Variants in FSIP2 observed in about 807,000 individuals in gnomAD.
FSIP2 encodes the protein fibrous sheath-interacting protein 2.
FSIP2 carries 367 observed loss-of-function variants against 510.5 expected under a neutral mutation model. The observed-to-expected ratio is 0.72, with a 90% confidence interval of 0.66 to 0.78. FSIP2 has a LOEUF of 0.78. FSIP2 is among the 30% of genes least tolerant of loss of function. FSIP2 has a pLI of 0.00. For missense variants in FSIP2, 7,594 were observed against 7,901.7 expected (o/e 0.96, Z 1.48); for synonymous variants, 2,601 against 2,732.2 (o/e 0.95, Z 1.50).
chr2:185,765,554 G>A (rs915195194), intron 13 of FSIP2: 24 of 152,170 alleles, frequency 1.6e-4, no homozygotes, highest in Admixed American at 4.6e-4. Flanking sequence ...TAGCCTTGTA[G>A]TATAGTTTGA....
chr2:185,814,193 C>CTCAATAGCAGAACAAATAACA, intron 18 of FSIP2, 151 bp downstream of exon 18: 1 of 763,916 alleles, frequency 1.3e-6, no homozygotes, highest in Non-Finnish European at 2.0e-6. Flanking sequence ...AAATTATTAC[C>CTCAATAGCAGAACAAATAACA]AGGTACAGCT....
Position 185,807,813 on chromosome 2 carries a change from A to C in FSIP2, c.18507A>C (p.Ser6169=). The C allele has an allele frequency of 6.2e-7, 1 of 1,612,530 alleles. No homozygotes were observed. Among genetic ancestry groups the C allele is most frequent in the East Asian group, 2.2e-5 (1 of 44,776 alleles). ...CTGATGTGCCCCTACCTAAACCTTCACATGCTGATAAGCTGTCTTATAACA... is the reference window on the plus strand; with the variant it reads ...CTGATGTGCCCCTACCTAAACCTTCCCATGCTGATAAGCTGTCTTATAACA... The part of the protein sequence containing the change: ...QTTDVPLPKP[S]HADKLSYNII... The change falls in exon 17 of 23, where the codon TCA becomes TCC. Residue 6169 remains serine, a synonymous_variant. Coordinates refer to ENST00000424728, the MANE Select transcript of FSIP2 (RefSeq NM_173651.4).
chr2:185,793,452 C>T lies in FSIP2; in HGVS notation c.6316C>T (p.Leu2106=), dbSNP rs1202012772. 2 of 1,534,270 alleles carry T rather than the reference C, an allele frequency of 1.3e-6. No individual in the cohort carries two copies. Among genetic ancestry groups the T allele is most frequent in the East Asian group, 4.9e-5 (2 of 40,826 alleles). ...CCTATGTGATATTTATGAAAAAACC[C>T]TGTTTCAGAATAATCTCTCATTTGC... is the stretch of plus-strand genomic sequence containing the variant. ...GILCDIYEKT[L]FQNNLSFATP... Residue 2106 remains leucine, a synonymous_variant, in exon 16 of 23, where the codon CTG becomes TTG. Coordinates refer to ENST00000424728, the MANE Select transcript of FSIP2 (RefSeq NM_173651.4).
At chr2:185,766,868 C>T (rs1039216873) in intron 13 of FSIP2, among the ~76,000 whole-genome samples, 37 of 124,714 alleles carry the variant, frequency 3.0e-4, no homozygotes, top group South Asian at 9.5e-4. Flanking sequence ...CACACGCACA[C>T]GTATGTTTAT....
At chr2:185,761,818 T>C (rs1392735247) in intron 10 of FSIP2, among the ~76,000 whole-genome samples, 154 bp from the exon 11 acceptor site, 2 of 151,268 alleles carry the variant, frequency 1.3e-5, no homozygotes, top group African/African-American at 2.4e-5. Flanking sequence ...TCCTAGGAGG[T>C]TGATGATATG....
In FSIP2 at chr2:185,804,737, T is replaced by A; in HGVS notation, c.15431T>A (p.Phe5144Tyr). The change falls in exon 17 of 23, where the codon TTT (phenylalanine) becomes TAT (tyrosine). Residue 5144 changes from phenylalanine (F) to tyrosine (Y), a missense_variant. By Grantham distance (22) the Phe-to-Tyr change is conservative. Transcript: ENST00000424728. The stretch of plus-strand genomic sequence containing the variant: ...GAAAATGAACTAAAAGAGAAAAAGT[T>A]TCCACCGGATGATGAATTTGTGGAG... ...HTENELKEKK[F>Y]PPDDEFVEAA... 6.5e-7 allele frequency: 1 copy of A among 1,530,320 alleles called. No individual in the cohort carries two copies. The highest frequency in any genetic ancestry group is 2.0e-5 in the Admixed American group (1 of 50,092). 94.8% of individuals were successfully genotyped at this position (1,530,320 alleles called of 1,614,324 possible).
intron 20 of FSIP2, among the ~76,000 whole-genome samples, chr2:185,824,763 T>C (rs1421987689): frequency 6.6e-6 from 1 of 151,786 alleles, no homozygotes; most frequent in Non-Finnish European, 1.5e-5. Flanking sequence ...AAATAGAGTG[T>C]ATTGTAACAG....
Position 185,803,211 on chromosome 2 carries a change from C to T in FSIP2, c.13905C>T (p.Phe4635=). ...TCTCTGGGGTTTTAAGAAAAATATT[C>T]CACAGGGTAGTAGGCATTGTACAAA... The part of the protein sequence containing the change: ...DVISGVLRKI[F]HRVVGIVQTK... Residue 4635 remains phenylalanine, a synonymous_variant, in exon 17 of 23, where the codon TTC becomes TTT. Transcript: ENST00000424728. The T allele has an allele frequency of 6.5e-7, 1 of 1,532,200 alleles. No individual in the cohort carries two copies. The highest frequency in any genetic ancestry group is 8.7e-7 in the Non-Finnish European group (1 of 1,144,570). 94.9% of individuals were successfully genotyped at this position (1,532,200 alleles called of 1,614,324 possible).
In FSIP2 at chr2:185,795,269, T is replaced by G. The variant is rs1243272516; in HGVS notation, c.8133T>G (p.Ile2711Met). ...AAGACAGCAGATCCAAGACTGCCAT[T>G]GGGTTGTCACACATCATGTCAGCTG... ...TLKDSRSKTA[I>M]GLSHIMSAGD... The change falls in exon 16 of 23, where the codon ATT becomes ATG. Residue 2711 changes from isoleucine (I) to methionine (M), a missense_variant. By Grantham distance (10) the Ile-to-Met change is conservative. Coordinates refer to ENST00000424728, the MANE Select transcript of FSIP2 (RefSeq NM_173651.4). 6.5e-7 allele frequency: 1 copy of G among 1,535,128 alleles called. No individual in the cohort carries two copies. The highest frequency in any genetic ancestry group is 8.7e-7 in the Non-Finnish European group (1 of 1,146,294).
Position 185,803,807 on chromosome 2 carries a change from T to C in FSIP2, c.14501T>C (p.Met4834Thr). ...GTGATAAAACTGATAAATGAAATTA[T>C]GTCAATAATTTCAAAACATGAAATA... ...NTVIKLINEI[M>T]SIISKHEICI... Residue 4834 changes from methionine to threonine, a missense_variant, in exon 17 of 23, where the codon ATG becomes ACG. Physicochemically the swap from Met to Thr is moderately conservative, Grantham distance 81. Coordinates refer to ENST00000424728, the MANE Select transcript of FSIP2 (RefSeq NM_173651.4). The C allele has an allele frequency of 2.6e-6, 4 of 1,512,484 alleles. No individual in the cohort carries two copies. Among genetic ancestry groups the C allele is most frequent in the Non-Finnish European group, 3.5e-6 (4 of 1,134,240 alleles). The allele number at this position is 1,512,484 out of a possible 1,614,324, so 93.7% of individuals were successfully genotyped here. A position where few individuals can be genotyped will look rare whatever the true frequency, so the allele number is the denominator to read the frequency against.
At chr2:185,753,991 G>T in intron 8 of FSIP2, 149 bp downstream of exon 8, 1 of 446,650 alleles carries the variant, frequency 2.2e-6, no homozygotes, top group East Asian at 3.7e-5. Flanking sequence ...AGTTCAAGTT[G>T]AAAAGTAGGC....
At chr2:185,742,631 T>C (rs1691946163) in intron 2 of FSIP2, among the ~76,000 whole-genome samples, 2 of 152,228 alleles carry the variant, frequency 1.3e-5, no homozygotes, top group South Asian at 4.1e-4. Flanking sequence ...CGTTAACATC[T>C]AAGTTTTACT....
In FSIP2 at chr2:185,795,666, T is replaced by G; in HGVS notation, c.8530T>G (p.Trp2844Gly). The change falls in exon 16 of 23, where the codon TGG becomes GGG. Residue 2844 changes from tryptophan (W) to glycine (G), a missense_variant. Trp to Gly is a radical substitution (Grantham distance 184). Coordinates refer to ENST00000424728, the MANE Select transcript of FSIP2 (RefSeq NM_173651.4). ...TATATTTAAAAAATTGTTTGACAAG[T>G]GGCAAACAGAATCAAATGACAAGGA... ...EGIFKKLFDK[W>G]QTESNDKENE... 6.5e-7 allele frequency: 1 copy of G among 1,533,792 alleles called. No individual in the cohort carries two copies. The highest frequency in any genetic ancestry group is 8.7e-7 in the Non-Finnish European group (1 of 1,145,394).
intron 13 of FSIP2, chr2:185,766,006 CTT>C (rs1415915505): frequency 1.3e-5 from 2 of 151,356 alleles, no homozygotes; most frequent in African/African-American, 2.4e-5. Flanking sequence ...TATCCTGAGA[CTT>C]TGCTGAAGTT....
intron 13 of FSIP2, among the ~76,000 whole-genome samples, chr2:185,780,035 T>C (rs182956303): frequency 0.014 from 2,154 of 151,044 alleles, 19 homozygotes; most frequent in Non-Finnish European, 0.022. Flanking sequence ...AGCGTGCCAC[T>C]GCACTCCAGC....
intron 13 of FSIP2, among the ~76,000 whole-genome samples, chr2:185,778,509 T>G (rs1310913618): frequency 1.3e-5 from 2 of 152,016 alleles, no homozygotes; most frequent in East Asian, 3.8e-4. Flanking sequence ...CATGAGTTAG[T>G]TGTTAAATTT....
chr2:185,830,726 G>T lies in FSIP2; in HGVS notation c.20518-1087G>T, dbSNP rs537417772. On this transcript the variant is annotated intron_variant, in intron 21 of 22. Transcript: ENST00000424728. Reference sequence around the variant, plus strand: ...TTCATATATTTTTGATCTCTGGTTGGTTAAACTTATGGATACACAACCCAC... The same window carrying T: ...TTCATATATTTTTGATCTCTGGTTGTTTAAACTTATGGATACACAACCCAC... Among the ~76,000 whole-genome samples, 3 of 151,752 alleles carry T rather than the reference G, an allele frequency of 2.0e-5. No homozygotes were observed. The East Asian group carries it at 5.9e-4, about 30-fold the overall frequency.
At position 185,804,569 on chromosome 2, in the gene FSIP2, C is replaced by G. The variant is rs774819843; in HGVS notation, c.15263C>G (p.Ala5088Gly). ...LESSSYSYPQ[A>G]DNIIRNVLNI... ...TCTTCTTCTTATTCGTATCCCCAAGCTGATAATATCATCAGAAATGTGCTT... is the reference window on the plus strand; with the variant it reads ...TCTTCTTCTTATTCGTATCCCCAAGGTGATAATATCATCAGAAATGTGCTT... Residue 5088 changes from alanine to glycine, a missense_variant, in exon 17 of 23, where the codon GCT (alanine) becomes GGT (glycine). Ala to Gly is a moderately conservative substitution (Grantham distance 60). Coordinates refer to ENST00000424728, the MANE Select transcript of FSIP2 (RefSeq NM_173651.4). 72 of 1,531,830 alleles carry G rather than the reference C, an allele frequency of 4.7e-5. No homozygotes were observed. The highest frequency in any genetic ancestry group is 5.9e-5 in the Non-Finnish European group (67 of 1,144,464). The allele number at this position is 1,531,830 out of a possible 1,614,324, so 94.9% of individuals were successfully genotyped here.
At chr2:185,829,191 G>A (rs1477416916) in intron 21 of FSIP2, among the ~76,000 whole-genome samples, 1 of 151,788 alleles carries the variant, frequency 6.6e-6, no homozygotes, top group East Asian at 2.0e-4. Context: ...TTCTGCTTTT[G>A]TTCTTTCCCT....
Sources: gnomAD v4.1 joint callset for allele counts (sites outside exome capture counted in the v4.1 genomes callset) on GRCh38, gnomAD v4.1.1 for gene constraint, MANE v1.5 for transcripts, NCBI Gene and HGNC (gene_info 2026-07-23, HGNC 2026-07-21) for gene names.